Variants in UTRN observed in about 807,000 individuals in gnomAD.
UTRN encodes the protein dystrophin-related protein 1.
Under a neutral mutation model 463.9 loss-of-function variants are expected in UTRN, and 283 were observed. The observed-to-expected ratio is 0.61, with a 90% CI of 0.55 to 0.67. The LOEUF (loss-of-function observed/expected upper bound fraction) is 0.67. Among genes scored for constraint, UTRN ranks in the 30% least tolerant of loss-of-function variants. The pLI is 0.00. For missense variants in UTRN, 3,922 were observed against 4,084.3 expected, an observed-to-expected ratio of 0.96 and a Z score of 1.08; for synonymous variants, 1,442 against 1,431.5, an observed-to-expected ratio of 1.01 and a Z score of -0.17.
intron 40 of UTRN, among the ~76,000 whole-genome samples, chr6:144,522,603 G>C (rs1407184766): frequency 1.3e-5 from 2 of 152,108 alleles, no homozygotes; most frequent in African/African-American, 4.8e-5. Flanking sequence ...CATGTAACTT[G>C]ATTGCATTTA....
At chr6:144,614,394 C>T (rs906100438) in intron 51 of UTRN, among the ~76,000 whole-genome samples, 5 of 152,076 alleles carry the variant, frequency 3.3e-5, no homozygotes, top group African/African-American at 9.7e-5. Flanking sequence ...GGACCTTCCC[C>T]CAAGGACAGA....
chr6:144,587,467 A>G lies in UTRN; in HGVS notation c.7479+10179A>G, dbSNP rs146578229. On this transcript the variant is annotated intron_variant, in intron 51 of 74. Transcript: ENST00000367545. ...GCTAATGAGTAAATAGATAATGAAC[A>G]TGAAGGCACATTAATCTCTCAGCAG... Among the ~76,000 whole-genome samples the G allele has an allele frequency of 6.3e-4, 96 of 152,272 alleles. 2 individuals carry two copies. In the East Asian group the frequency reaches 0.015, roughly 24 times the overall value.
intron 51 of UTRN, among the ~76,000 whole-genome samples, chr6:144,662,011 T>C (rs1562725382): frequency 6.6e-6 from 1 of 150,786 alleles, no homozygotes; most frequent in Non-Finnish European, 1.5e-5. Flanking sequence ...TATTATCTAT[T>C]TATTTATTTA....
chr6:144,663,671 G>A (rs1780107872), intron 51 of UTRN, among the ~76,000 whole-genome samples: 2 of 152,138 alleles, frequency 1.3e-5, no homozygotes, highest in Admixed American at 6.5e-5. Context: ...TGTCTGCTGT[G>A]TGTGTGAGTG....
chr6:144,838,719 C>T (rs534202835), intron 71 of UTRN, among the ~76,000 whole-genome samples: 5 of 152,288 alleles, frequency 3.3e-5, no homozygotes, highest in African/African-American at 4.8e-5. Flanking sequence ...AATTACACAG[C>T]TTATGAGTGG....
chr6:144,826,450 T>C (rs1780192751), intron 66 of UTRN, among the ~76,000 whole-genome samples: 1 of 152,116 alleles, frequency 6.6e-6, no homozygotes, highest in Non-Finnish European at 1.5e-5. Context: ...TAATTTTCTT[T>C]GTACTGTAAA....
At chr6:144,566,890 G>T (rs572422147) in intron 50 of UTRN, among the ~76,000 whole-genome samples, 69 of 152,252 alleles carry the variant, frequency 4.5e-4, no homozygotes, top group African/African-American at 1.4e-3. Flanking sequence ...GCTCATGTCT[G>T]TAATCCAGCA....
At chr6:144,754,080 ACTAT>A (rs1454048218) in intron 56 of UTRN, among the ~76,000 whole-genome samples, 11 of 151,374 alleles carry the variant, frequency 7.3e-5, no homozygotes, top group Admixed American at 4.6e-4. Flanking sequence ...CTAACTATCC[ACTAT>A]CTATGTACTG....
At chr6:144,505,162 A>G (rs1303673804) in intron 34 of UTRN, among the ~76,000 whole-genome samples, 1 of 151,544 alleles carries the variant, frequency 6.6e-6, no homozygotes, top group South Asian at 2.1e-4. Context: ...TTTCTTCTTT[A>G]TTAGTCTGGC....
chr6:144,739,439 A>T (rs1193711361), intron 54 of UTRN, among the ~76,000 whole-genome samples: 1 of 152,248 alleles, frequency 6.6e-6, no homozygotes, highest in Non-Finnish European at 1.5e-5. Context: ...ATGTAATAAA[A>T]TGAGGACAAA....
At chr6:144,660,123 G>C in intron 51 of UTRN, 1 of 450,402 alleles carries the variant, frequency 2.2e-6, no homozygotes, top group Admixed American at 2.7e-5. Flanking sequence ...TTTTACAAAG[G>C]ATTTTAAAGT....
intron 25 of UTRN, among the ~76,000 whole-genome samples, chr6:144,477,739 A>C (rs1212433823): frequency 6.6e-6 from 1 of 152,176 alleles, no homozygotes; most frequent in African/African-American, 2.4e-5. Flanking sequence ...ATCCTAGCTA[A>C]ATTCAAATTT....
Position 144,440,431 on chromosome 6 carries a change from G to A in UTRN, c.1472G>A (p.Ser491Asn). 1.2e-6 allele frequency: 2 copies of A among 1,614,218 alleles called. No individual in the cohort carries two copies. Among genetic ancestry groups the A allele is most frequent in the South Asian group, 1.1e-5 (1 of 91,084 alleles). ...THMVVIVDEN[S>N]GESATAILED... ...ATGGTGGTCATTGTTGATGAAAACA[G>A]TGGTGAGAGTGCTACAGCTATCCTA... Residue 491 changes from serine to asparagine, a missense_variant, in exon 13 of 75, where the codon AGT (serine) becomes AAT (asparagine). By Grantham distance (46) the Ser-to-Asn change is conservative (BLOSUM62 1). Coordinates refer to ENST00000367545, the MANE Select transcript of UTRN (RefSeq NM_007124.3).
chr6:144,658,410 C>T (rs1779540531), intron 51 of UTRN, among the ~76,000 whole-genome samples: 1 of 151,980 alleles, frequency 6.6e-6, no homozygotes, highest in African/African-American at 2.4e-5. Context: ...TATACTGTTC[C>T]CTGATAGATT....
chr6:144,474,800 G>GATTCAATTGTT, intron 25 of UTRN, 41 bp downstream of exon 25: 1 of 1,589,846 alleles, frequency 6.3e-7, no homozygotes, highest in Non-Finnish European at 8.5e-7. Flanking sequence ...TTCAGGAGAT[G>GATTCAATTGTT]TAGACTGTAG....
chr6:144,684,763 G>A (rs1322851041), intron 52 of UTRN, among the ~76,000 whole-genome samples: 2 of 152,096 alleles, frequency 1.3e-5, no homozygotes, highest in Non-Finnish European at 2.9e-5. Context: ...ATCCAGGGGG[G>A]TGCCTTCCTT....
chr6:144,817,495 G>A (rs1779192281), intron 65 of UTRN, among the ~76,000 whole-genome samples: 1 of 151,824 alleles, frequency 6.6e-6, no homozygotes, highest in African/African-American at 2.4e-5. Context: ...ATGGTAAGTG[G>A]GTGGTTCTCT....
chr6:144,514,868 A>T (rs1795478060), intron 37 of UTRN, 48 bp downstream of exon 37: 1 of 1,561,492 alleles, frequency 6.4e-7, no homozygotes, highest in East Asian at 2.2e-5. Flanking sequence ...ATGGGTATGT[A>T]TCTAAATGAT....
At chr6:144,511,220 C>T (rs547214284) in intron 35 of UTRN, 97 bp downstream of exon 35, 1 of 1,200,198 alleles carries the variant, frequency 8.3e-7, no homozygotes, top group South Asian at 2.4e-5. Context: ...ATCCTGTTTA[C>T]TGTGTGTCAC....
Sources: allele counts gnomAD v4.1 joint callset (sites outside exome capture counted in the v4.1 genomes callset), GRCh38; gene constraint gnomAD v4.1.1; transcripts MANE v1.5; gene names NCBI Gene and HGNC (gene_info 2026-07-23, HGNC 2026-07-21).